IL34: variants seen among roughly 807,000 people sequenced by gnomAD.
IL34 encodes interleukin-34.
A neutral mutation model predicts 25.3 loss-of-function variants in IL34; 17 were observed. That is an observed-to-expected ratio of 0.67 (90% confidence interval 0.46 to 1.01). The LOEUF is 1.01. Among genes scored for constraint, IL34 ranks in the 50% least tolerant of loss-of-function variants. The pLI, the probability that IL34 is intolerant of heterozygous loss-of-function variation, is 0.00. For synonymous variants in IL34, 174 were observed against 140.9 expected (o/e 1.23, Z -1.66); for missense variants, 368 against 312.9 (o/e 1.18, Z -1.33).
chr16:70,586,837 G>C (rs1459682838), intron 1 of IL34, among the ~76,000 whole-genome samples: 1 of 152,234 alleles, frequency 6.6e-6, no homozygotes, highest in Non-Finnish European at 1.5e-5. Flanking sequence ...CGGTCACGCA[G>C]GCGGGAGGTG....
At chr16:70,598,510 T>TGGG (rs2050858567) in intron 1 of IL34, among the ~76,000 whole-genome samples, 1 of 152,068 alleles carries the variant, frequency 6.6e-6, no homozygotes, top group African/African-American at 2.4e-5. Flanking sequence ...AGGCCAAGGC[T>TGGG]GGCGGATCAC....
chr16:70,624,651 C>T (rs1014067581), intron 1 of IL34, among the ~76,000 whole-genome samples: 1 of 152,104 alleles, frequency 6.6e-6, no homozygotes, highest in African/African-American at 2.4e-5. Context: ...GAGCATTCAC[C>T]TTGACTATGC....
intron 1 of IL34, among the ~76,000 whole-genome samples, chr16:70,603,347 T>G (rs1299485669): frequency 6.6e-6 from 1 of 152,174 alleles, no homozygotes; most frequent in Non-Finnish European, 1.5e-5. Flanking sequence ...TGGTGCGATC[T>G]CGGCTCACCG....
At chr16:70,582,942 C>T (rs538779104) in intron 1 of IL34, among the ~76,000 whole-genome samples, 2 of 152,108 alleles carry the variant, frequency 1.3e-5, no homozygotes, top group East Asian at 1.9e-4. Flanking sequence ...GCCTGGAAGC[C>T]GAGTTGAGTT....
intron 1 of IL34, among the ~76,000 whole-genome samples, chr16:70,624,069 A>T (rs1325527600): frequency 1.3e-5 from 2 of 151,910 alleles, no homozygotes; most frequent in Non-Finnish European, 2.9e-5. Context: ...CGCTAAGCCG[A>T]GAAGGAGTCA....
At chr16:70,658,189 C>A (rs531209824) in intron 4 of IL34, among the ~76,000 whole-genome samples, 8 of 152,188 alleles carry the variant, frequency 5.3e-5, no homozygotes, top group Non-Finnish European at 1.0e-4. Context: ...GAGCTTCCGA[C>A]GGTGAAAGGG....
intron 1 of IL34, among the ~76,000 whole-genome samples, chr16:70,616,675 G>T (rs927166724): frequency 6.6e-6 from 1 of 152,116 alleles, no homozygotes; most frequent in Non-Finnish European, 1.5e-5. Flanking sequence ...GGCAGGGGTG[G>T]ATCTCACACA....
intron 1 of IL34, among the ~76,000 whole-genome samples, chr16:70,650,701 T>C (rs2052056938): frequency 6.6e-6 from 1 of 152,196 alleles, no homozygotes; most frequent in Admixed American, 6.5e-5. Flanking sequence ...AGGTCTGTGG[T>C]TCCAGACCCC....
In IL34 at chr16:70,660,045, C is replaced by G. The variant is rs777183793; in HGVS notation, c.587C>G (p.Pro196Arg). ...LNWQDCEVPS[P>R]QSCSPEPSLQ... Reference sequence around the variant, plus strand: ...TGGCAGGACTGTGAGGTGCCAAGTCCTCAGTCTTGCAGCCCAGAGCCCTCA... The same window carrying G: ...TGGCAGGACTGTGAGGTGCCAAGTCGTCAGTCTTGCAGCCCAGAGCCCTCA... Residue 196 changes from proline (P) to arginine (R), a missense_variant, in exon 6 of 6, where the codon CCT becomes CGT. Physicochemically the swap from Pro to Arg is moderately radical, Grantham distance 103. Coordinates refer to ENST00000288098, the MANE Select transcript of IL34 (RefSeq NM_001393494.1). 3.9e-5 allele frequency: 63 copies of G among 1,612,712 alleles called. No individual in the cohort carries two copies. In the Middle Eastern group the frequency reaches 4.9e-4, roughly 13 times the overall value.
intron 1 of IL34, among the ~76,000 whole-genome samples, chr16:70,651,201 C>G (rs544203668): frequency 1.3e-5 from 2 of 152,054 alleles, no homozygotes; most frequent in Non-Finnish European, 2.9e-5. Flanking sequence ...AGAAGAGTCT[C>G]TGGGAGGCTT....
At chr16:70,643,939 G>C (rs541209220), upstream of IL34, among the ~76,000 whole-genome samples, 1 of 152,120 alleles carries the variant, frequency 6.6e-6, no homozygotes, top group Non-Finnish European at 1.5e-5. Context: ...AAAAAAATTG[G>C]GGGATGAGTG....
At chr16:70,639,591 C>A (rs545521300) in intron 1 of IL34, among the ~76,000 whole-genome samples, 1 of 150,472 alleles carries the variant, frequency 6.6e-6, no homozygotes, top group East Asian at 2.0e-4. Flanking sequence ...GTTGAAAGAA[C>A]ACAGCACCGC....
At chr16:70,587,287 T>C (rs950396382) in intron 1 of IL34, among the ~76,000 whole-genome samples, 5 of 151,838 alleles carry the variant, frequency 3.3e-5, no homozygotes, top group Non-Finnish European at 5.9e-5. Flanking sequence ...CTTTTTTTTT[T>C]GAGACAGAGT....
At position 70,605,294 on chromosome 16, in the gene IL34, A is replaced by G. The variant is rs577528328; in HGVS notation, c.-401+25245A>G. On this transcript the variant is annotated intron_variant, in intron 1 of 6. Coordinates refer to the IL34 transcript ENST00000429149. ...AGAGTCCAGGACCCTCTTCCTTCTC[A>G]TCAAATGCAAGTGTCCACTTCTATG... is the stretch of plus-strand genomic sequence containing the variant. 7.9e-5 allele frequency among the ~76,000 whole-genome samples: 12 copies of G among 152,360 alleles called. No homozygotes were observed. The South Asian group carries it at 2.3e-3, about 29-fold the overall frequency.
intron 4 of IL34, among the ~76,000 whole-genome samples, chr16:70,659,048 C>T (rs956669802): frequency 8.5e-5 from 13 of 152,186 alleles, no homozygotes; most frequent in Admixed American, 2.6e-4. Context: ...TCACCCCCCA[C>T]GTTTCCCATG....
intron 1 of IL34, among the ~76,000 whole-genome samples, chr16:70,634,303 G>T (rs1252475644): frequency 6.6e-6 from 1 of 152,038 alleles, no homozygotes; most frequent in Non-Finnish European, 1.5e-5. Flanking sequence ...CTGGGGGCAG[G>T]CAGCACTGTT....
At chr16:70,592,866 G>A (rs1204613443) in intron 1 of IL34, among the ~76,000 whole-genome samples, 1 of 152,164 alleles carries the variant, frequency 6.6e-6, no homozygotes, top group Non-Finnish European at 1.5e-5. Context: ...TGTTGGTCAG[G>A]CTGGTCTTGA....
intron 1 of IL34, among the ~76,000 whole-genome samples, chr16:70,585,934 C>T (rs771509164): frequency 6.0e-4 from 91 of 151,152 alleles, no homozygotes; most frequent in Non-Finnish European, 1.0e-3. Flanking sequence ...CCCAGGTTCA[C>T]GCCATTCTCC....
At chr16:70,636,029 C>CTTTT (rs112235542) in intron 1 of IL34, among the ~76,000 whole-genome samples, 7 of 139,976 alleles carry the variant, frequency 5.0e-5, no homozygotes, top group Admixed American at 3.6e-4. Context: ...GGGTCTGTAT[C>CTTTT]TTTTTTTTTT....
Sources: allele counts gnomAD v4.1 joint callset (sites outside exome capture counted in the v4.1 genomes callset), GRCh38; gene constraint gnomAD v4.1.1; transcripts MANE v1.5; gene names NCBI Gene and HGNC (gene_info 2026-07-23, HGNC 2026-07-21).